TMEM132C: variants seen among roughly 807,000 people sequenced by gnomAD.
The protein encoded by TMEM132C is transmembrane protein 132C, also known as protein phosphatase 1, regulatory subunit 152.
In TMEM132C, 29 loss-of-function variants were observed where a neutral mutation model predicts 61.4. The ratio of observed to expected loss-of-function variants is 0.47; its 90% CI spans 0.35 to 0.64. The LOEUF (loss-of-function observed/expected upper bound fraction) is 0.64. Among genes scored for constraint, TMEM132C ranks in the 30% least tolerant of loss-of-function variants. The pLI, the probability that TMEM132C is intolerant of heterozygous loss-of-function variation, is 0.00. For synonymous variants in TMEM132C, 656 were observed against 633.1 expected, an observed-to-expected ratio of 1.04 and a Z score of -0.54; for missense variants, 1,408 against 1,476.9, an observed-to-expected ratio of 0.95 and a Z score of 0.76.
chr12:128,652,542 C>G (rs1019351082), intron 4 of TMEM132C, among the ~76,000 whole-genome samples: 1 of 152,232 alleles, frequency 6.6e-6, no homozygotes, highest in Non-Finnish European at 1.5e-5. Flanking sequence ...ACAGAGTTCT[C>G]GGAGCCACAA....
intron 4 of TMEM132C, among the ~76,000 whole-genome samples, chr12:128,629,452 T>C (rs1462064822): frequency 6.6e-6 from 1 of 152,082 alleles, no homozygotes; most frequent in African/African-American, 2.4e-5. Flanking sequence ...GCCTAGGCGA[T>C]GGGAGTGAGA....
At chr12:128,518,956 A>G (rs968316116) in intron 2 of TMEM132C, among the ~76,000 whole-genome samples, 1 of 152,228 alleles carries the variant, frequency 6.6e-6, no homozygotes, top group Non-Finnish European at 1.5e-5. Context: ...TTAAATGTGT[A>G]TTAAATGTGT....
intron 2 of TMEM132C, among the ~76,000 whole-genome samples, chr12:128,485,715 C>G (rs1393515299): frequency 6.6e-6 from 1 of 152,160 alleles, no homozygotes; most frequent in Non-Finnish European, 1.5e-5. Flanking sequence ...CTGAGAAACC[C>G]TGCTCTGGGA....
At chr12:128,297,534 A>G (rs1436830282) in intron 1 of TMEM132C, among the ~76,000 whole-genome samples, 1 of 152,104 alleles carries the variant, frequency 6.6e-6, no homozygotes, top group Non-Finnish European at 1.5e-5. Context: ...TTTCCCACTT[A>G]GTCTCTCCTG....
At chr12:128,423,184 C>T (rs80050325) in intron 2 of TMEM132C, among the ~76,000 whole-genome samples, 7,463 of 152,200 alleles carry the variant, frequency 0.049, 611 homozygotes, top group African/African-American at 0.17. Flanking sequence ...TCTTTAATAG[C>T]CCTTGCTTTG....
chr12:128,317,949 T>A (rs1246392190), intron 1 of TMEM132C, among the ~76,000 whole-genome samples: 1 of 152,196 alleles, frequency 6.6e-6, no homozygotes, highest in African/African-American at 2.4e-5. Context: ...ACAAGTAAAT[T>A]TTGGCTCTGC....
intron 2 of TMEM132C, among the ~76,000 whole-genome samples, chr12:128,416,874 A>G (rs1316380638): frequency 6.6e-6 from 1 of 152,166 alleles, no homozygotes; most frequent in Non-Finnish European, 1.5e-5. Flanking sequence ...CACCCCTTTC[A>G]GCGACGTCAT....
At chr12:128,492,322 T>G (rs1289586833) in intron 2 of TMEM132C, among the ~76,000 whole-genome samples, 4 of 152,214 alleles carry the variant, frequency 2.6e-5, no homozygotes, top group Admixed American at 1.3e-4. Context: ...CATGTGCATG[T>G]GCCTTTATAG....
intron 1 of TMEM132C, among the ~76,000 whole-genome samples, chr12:128,372,622 CT>C (rs1380584987): frequency 6.6e-6 from 1 of 152,078 alleles, no homozygotes; most frequent in Non-Finnish European, 1.5e-5. Context: ...AAAAAGAAGA[CT>C]TATCAAGATG....
intron 3 of TMEM132C, among the ~76,000 whole-genome samples, chr12:128,605,845 G>A (rs1876404640): frequency 6.6e-6 from 1 of 152,208 alleles, no homozygotes; most frequent in African/African-American, 2.4e-5. Context: ...GTCATTGTCA[G>A]GTTCCTTGAT....
chr12:128,353,485 G>A (rs930118065), intron 1 of TMEM132C, among the ~76,000 whole-genome samples: 4 of 152,182 alleles, frequency 2.6e-5, no homozygotes, highest in East Asian at 3.8e-4. Context: ...TCACAAGGGC[G>A]TTCTCCCATG....
intron 3 of TMEM132C, among the ~76,000 whole-genome samples, chr12:128,552,467 A>T (rs879319996): frequency 2.0e-5 from 3 of 152,200 alleles, no homozygotes; most frequent in Admixed American, 1.3e-4. Flanking sequence ...GAATAAAGAC[A>T]CTCACGGGAA....
At chr12:128,582,486 C>T (rs1450683728) in intron 3 of TMEM132C, among the ~76,000 whole-genome samples, 1 of 151,184 alleles carries the variant, frequency 6.6e-6, no homozygotes, top group Non-Finnish European at 1.5e-5. Context: ...TGTGTCCCCA[C>T]CCAAATCTCA....
At chr12:128,455,953 A>G (rs530424536) in intron 2 of TMEM132C, among the ~76,000 whole-genome samples, 1 of 152,334 alleles carries the variant, frequency 6.6e-6, no homozygotes, top group Non-Finnish European at 1.5e-5. Flanking sequence ...AAACAAAGAT[A>G]AATGAGATTT....
intron 5 of TMEM132C, among the ~76,000 whole-genome samples, chr12:128,684,286 AGAAAGAATCCTGGTTTCATAGATGAGG>A (rs537230549): frequency 0.019 from 2,937 of 152,256 alleles, 79 homozygotes; most frequent in South Asian, 0.13. Context: ...ATTGGTTGAA[AGAAAGAATCCTGGTTTCATAGATGAGG>A]AAAATGAATC....
rs201371766 is a variant in TMEM132C, at chr12:128,693,787, C to T, written c.1450-42C>T. On this transcript the variant is annotated intron_variant, in intron 5 of 8. Coordinates refer to ENST00000435159, the MANE Select transcript of TMEM132C (RefSeq NM_001136103.3). ...CAAAAAAAGGATTGTCTCCAAGGCT[C>T]CATGAACTTCTCCTCCATCCTTTCT... 7.1e-6 allele frequency: 11 copies of T among 1,546,474 alleles called. No homozygotes were observed. The East Asian group carries it at 2.7e-4, about 38-fold the overall frequency.
At chr12:128,634,322 G>A (rs1295025234) in intron 4 of TMEM132C, among the ~76,000 whole-genome samples, 1 of 152,210 alleles carries the variant, frequency 6.6e-6, no homozygotes, top group Non-Finnish European at 1.5e-5. Flanking sequence ...CCATCTTCCT[G>A]TCTCAGCCTC....
At chr12:128,581,771 G>T (rs922452617) in intron 3 of TMEM132C, among the ~76,000 whole-genome samples, 1 of 152,212 alleles carries the variant, frequency 6.6e-6, no homozygotes. Context: ...AAAGTTATGA[G>T]GAAATGGAGA....
intron 2 of TMEM132C, among the ~76,000 whole-genome samples, chr12:128,455,067 GCCATA>G (rs1870297695): frequency 6.6e-6 from 1 of 152,206 alleles, no homozygotes; most frequent in African/African-American, 2.4e-5. Flanking sequence ...GAAAGTTGAG[GCCATA>G]TAACTAAGTC....
Sources: gnomAD v4.1 joint callset for allele counts (sites outside exome capture counted in the v4.1 genomes callset) on GRCh38, gnomAD v4.1.1 for gene constraint, MANE v1.5 for transcripts, NCBI Gene and HGNC (gene_info 2026-07-23, HGNC 2026-07-21) for gene names.